Variants in TBC1D1 observed in about 807,000 individuals in gnomAD.
TBC1D1 encodes the protein TBC1 (tre-2/USP6, BUB2, cdc16) domain family, member 1.
TBC1D1 carries 89 observed loss-of-function variants against 125.6 expected under a neutral mutation model. That is an observed-to-expected ratio of 0.71 (90% confidence interval 0.60 to 0.85). The LOEUF (loss-of-function observed/expected upper bound fraction) is 0.85, where lower values mean the gene tolerates loss of function less well. Ranked by LOEUF, TBC1D1 falls within the 40% of genes least tolerant of loss-of-function variation. TBC1D1 has a pLI of 0.00. For missense variants in TBC1D1, 1,377 were observed against 1,469.2 expected, an observed-to-expected ratio of 0.94 and a Z score of 1.03; for synonymous variants, 565 against 564.1, an observed-to-expected ratio of 1.00 and a Z score of -0.02.
chr4:38,000,687 T>C (rs1413946413), intron 2 of TBC1D1, among the ~76,000 whole-genome samples: 1 of 152,158 alleles, frequency 6.6e-6, no homozygotes, highest in African/African-American at 2.4e-5. Context: ...AGCAACCAGT[T>C]CTCTGATTCT....
chr4:37,975,900 G>GCT, intron 2 of TBC1D1, among the ~76,000 whole-genome samples: 1 of 152,192 alleles, frequency 6.6e-6, no homozygotes, highest in Non-Finnish European at 1.5e-5. Flanking sequence ...TACTGGAACA[G>GCT]CTCGTGCCCT....
At chr4:38,097,340 G>GTTTT (rs71658757) in intron 14 of TBC1D1, among the ~76,000 whole-genome samples, 1 of 122,120 alleles carries the variant, frequency 8.2e-6, no homozygotes, top group African/African-American at 3.1e-5. Context: ...TTTTTTGTGG[G>GTTTT]TTTTTTTTTT....
At chr4:38,136,970 G>T (rs1327618391) in intron 19 of TBC1D1, among the ~76,000 whole-genome samples, 165 bp from the exon 22 acceptor site, 3 of 152,170 alleles carry the variant, frequency 2.0e-5, no homozygotes, top group Non-Finnish European at 4.4e-5. Flanking sequence ...CCTGCAAGGG[G>T]TGCGAGTTGC....
intron 14 of TBC1D1, among the ~76,000 whole-genome samples, chr4:38,102,702 G>A (rs1222964066): frequency 1.3e-5 from 2 of 151,762 alleles, no homozygotes; most frequent in African/African-American, 4.8e-5. Flanking sequence ...AGCATAGTGA[G>A]ACCCTGTCTC....
intron 13 of TBC1D1, among the ~76,000 whole-genome samples, chr4:38,090,954 G>A (rs184094130): frequency 2.6e-5 from 4 of 152,310 alleles, no homozygotes; most frequent in Admixed American, 6.5e-5. Context: ...CTTGATGCTT[G>A]TATAGAGCTA....
intron 12 of TBC1D1, among the ~76,000 whole-genome samples, chr4:38,059,414 G>A (rs1752356191): frequency 6.6e-6 from 1 of 152,188 alleles, no homozygotes. Context: ...ATTTTTACTT[G>A]GAGACTTGGC....
At chr4:38,087,581 C>T (rs2152534878) in intron 12 of TBC1D1, among the ~76,000 whole-genome samples, 1 of 152,120 alleles carries the variant, frequency 6.6e-6, no homozygotes, top group South Asian at 2.1e-4. Flanking sequence ...GTGGCTCACA[C>T]CTGTAATTCT....
At position 38,014,772 on chromosome 4, in the gene TBC1D1, T is replaced by TGTGCGCAGGCCC; in HGVS notation, c.682_693dup (p.Val228_Pro231dup). 6.9e-7 allele frequency: 1 copy of TGTGCGCAGGCCC among 1,442,796 alleles called. No homozygotes were observed. The highest frequency in any genetic ancestry group is 9.4e-7 in the Non-Finnish European group (1 of 1,068,544). The allele number at this position is 1,442,796 out of a possible 1,614,324, so 89.4% of individuals were successfully genotyped here. ...CCGCGCCCACAGGGAGCCAGGAGCC[T>TGTGCGCAGGCCC]GTGCGCAGGCCCATGCGCAAGTCCT... is the stretch of plus-strand genomic sequence containing the variant. On this transcript the variant is annotated inframe_insertion, in exon 3 of 20. Transcript: ENST00000261439. This position sits in a 1 kb window ranked among gnomAD's most constrained non-coding sequence, Gnocchi z 5.1.
chr4:37,917,543 G>C (rs770345605), intron 2 of TBC1D1, among the ~76,000 whole-genome samples: 1 of 152,156 alleles, frequency 6.6e-6, no homozygotes, highest in Admixed American at 6.5e-5. Context: ...GCTCTGTGTG[G>C]TGTGTCTGTC....
In TBC1D1 at chr4:37,948,156, C is replaced by A. The variant is rs780753917; in HGVS notation, c.417+45644C>A. ...GAGTGTGAAGACAGGGCTAGAAGAA[C>A]GGGCAGGTCCAGAAAGAAGATTATA... On this transcript the variant is annotated intron_variant, in intron 2 of 19. Coordinates refer to ENST00000261439, the MANE Select transcript of TBC1D1 (RefSeq NM_015173.4). 3.3e-5 allele frequency among the ~76,000 whole-genome samples: 5 copies of A among 152,184 alleles called. No homozygotes were observed. The South Asian group carries it at 1.0e-3, about 32-fold the overall frequency.
chr4:38,133,317 A>G (rs959696243), intron 19 of TBC1D1, 60 bp downstream of exon 21: 3 of 1,495,254 alleles, frequency 2.0e-6, no homozygotes, highest in Non-Finnish European at 2.7e-6. Context: ...TCATTAACTC[A>G]CCAAAGGCAA....
At chr4:37,960,674 C>A in intron 2 of TBC1D1, 1 of 1,614,172 alleles carries the variant, frequency 6.2e-7, no homozygotes, top group Non-Finnish European at 8.5e-7. Context: ...CCAATGGACC[C>A]AGAAAACAAA....
intron 12 of TBC1D1, among the ~76,000 whole-genome samples, chr4:38,087,859 A>G (rs1469761700): frequency 0.011 from 1,459 of 131,430 alleles, 35 homozygotes; most frequent in African/African-American, 0.041. Flanking sequence ...AAAAAAAAAA[A>G]AAAGAAAAAA....
intron 15 of TBC1D1, among the ~76,000 whole-genome samples, chr4:38,114,297 G>C (rs1266081426): frequency 3.9e-5 from 6 of 152,230 alleles, no homozygotes; most frequent in Non-Finnish European, 8.8e-5. Flanking sequence ...TGGGGGAAGA[G>C]ATAGAGGAGG....
chr4:38,001,223 A>ATAAG (rs1739015014), intron 2 of TBC1D1, among the ~76,000 whole-genome samples: 2 of 149,956 alleles, frequency 1.3e-5, no homozygotes, highest in African/African-American at 5.0e-5. Flanking sequence ...CCGTCTCAAA[A>ATAAG]AAAGAAAGAA....
intron 1 of TBC1D1, among the ~76,000 whole-genome samples, chr4:37,892,772 G>A (rs1197658277): frequency 6.6e-6 from 1 of 151,622 alleles, no homozygotes; most frequent in East Asian, 2.0e-4. Context: ...ATGCAGTGTT[G>A]ACCTGGTGTC....
chr4:37,974,166 A>G (rs964015195), intron 2 of TBC1D1, among the ~76,000 whole-genome samples: 11 of 152,204 alleles, frequency 7.2e-5, no homozygotes, highest in Non-Finnish European at 1.5e-4. Flanking sequence ...ACTGCTTAAA[A>G]GTGAGAGAAT....
Position 37,995,744 on chromosome 4 carries a change from C to T in TBC1D1, c.418-18765C>T, listed in dbSNP as rs16995821. On this transcript the variant is annotated intron_variant, in intron 2 of 19. Coordinates refer to ENST00000261439, the MANE Select transcript of TBC1D1 (RefSeq NM_015173.4). This position sits in a 1 kb window ranked among gnomAD's most constrained non-coding sequence, Gnocchi z 4.3. ...GAAATGGTTGTCTGGACGGCTTGCA[C>T]TTTGGTCTTAACTGCATTCACCCTC... 0.24 allele frequency: 127,335 copies of T among 528,804 alleles called. 17,242 individuals are homozygous for T. The highest frequency in any genetic ancestry group is 0.39 in the African/African-American group (20,342 of 52,122). The allele number at this position is 528,804 out of a possible 1,614,324, so 32.8% of individuals were successfully genotyped here. A position where few individuals can be genotyped will look rare whatever the true frequency, so the allele number is the denominator to read the frequency against.
In TBC1D1 at chr4:37,902,413, C is replaced by G. The variant is rs547896373; in HGVS notation, c.318C>G (p.His106Gln). The G allele has an allele frequency of 2.5e-6, 4 of 1,614,188 alleles. No homozygotes were observed. Among genetic ancestry groups the G allele is most frequent in the African/African-American group, 1.3e-5 (1 of 75,040 alleles). Residue 106 changes from histidine to glutamine, a missense_variant, in exon 2 of 20, where the codon CAC becomes CAG. By Grantham distance (24) the His-to-Gln change is conservative. This residue lies in a region of TBC1D1 where 822 missense variants were observed against 824.6 expected (regional missense o/e 1.00). Transcript: ENST00000261439. ...CTCAGCGTGTTCACAAACTGATTCACAACAGTCATGACCCAAGTTACTTTG... is the reference window on the plus strand; with the variant it reads ...CTCAGCGTGTTCACAAACTGATTCAGAACAGTCATGACCCAAGTTACTTTG...
Sources: gnomAD v4.1 joint callset for allele counts (sites outside exome capture counted in the v4.1 genomes callset) on GRCh38, gnomAD v4.1.1 for gene constraint, gnomAD v4.1.1 regional missense constraint, Gnocchi (gnomAD v3.1) non-coding constraint, MANE v1.5 for transcripts, NCBI Gene and HGNC (gene_info 2026-07-23, HGNC 2026-07-21) for gene names.